The following CADPS variants were observed in gnomAD, a reference collection of about 807,000 sequenced individuals.
The protein encoded by CADPS is calcium-dependent secretion activator 1.
In CADPS, 57 loss-of-function variants were observed where a neutral mutation model predicts 167.3. The ratio of observed to expected loss-of-function variants is 0.34; its 90% CI spans 0.28 to 0.42. CADPS has a LOEUF of 0.42. CADPS is among the 20% of genes least tolerant of loss of function. The pLI, the probability that CADPS is intolerant of heterozygous loss-of-function variation, is 1.00. For missense variants in CADPS, 1,414 were observed against 1,738.1 expected (o/e 0.81, Z 3.32); for synonymous variants, 676 against 635.3 (o/e 1.06, Z -0.96).
chr3:62,437,019 C>T (rs1343145789), intron 28 of CADPS, among the ~76,000 whole-genome samples: 1 of 151,776 alleles, frequency 6.6e-6, no homozygotes, highest in Non-Finnish European at 1.5e-5. Context: ...TACACACACA[C>T]ACAAACTCAA....
At chr3:62,537,122 C>A (rs2074842421) in intron 11 of CADPS, among the ~76,000 whole-genome samples, 2 of 151,778 alleles carry the variant, frequency 1.3e-5, no homozygotes, top group South Asian at 4.2e-4. Flanking sequence ...CCCCACCCTG[C>A]AAAATTAAAA....
At chr3:62,468,645 C>T (rs924898362) in intron 24 of CADPS, among the ~76,000 whole-genome samples, 3 of 152,126 alleles carry the variant, frequency 2.0e-5, no homozygotes, top group African/African-American at 7.2e-5. Context: ...ATGGGAACCT[C>T]TTCCCATTTC....
chr3:62,687,661 A>G (rs549950223), intron 3 of CADPS, among the ~76,000 whole-genome samples: 2 of 150,344 alleles, frequency 1.3e-5, no homozygotes, highest in African/African-American at 2.4e-5. Flanking sequence ...TCTATTGTGT[A>G]TACTGAAATC....
At chr3:62,731,245 C>T (rs1017292944) in intron 3 of CADPS, among the ~76,000 whole-genome samples, 1 of 152,122 alleles carries the variant, frequency 6.6e-6, no homozygotes, top group African/African-American at 2.4e-5. Flanking sequence ...TTAGTCAATG[C>T]CTGGCATGTA....
intron 7 of CADPS, among the ~76,000 whole-genome samples, chr3:62,586,358 T>C (rs1302214728): frequency 3.3e-5 from 5 of 152,162 alleles, no homozygotes; most frequent in Admixed American, 1.3e-4. Context: ...GAGGGGCTCA[T>C]GGTCTTATGG....
intron 1 of CADPS, among the ~76,000 whole-genome samples, chr3:62,851,578 T>G (rs1371200745): frequency 7.0e-6 from 1 of 143,260 alleles, no homozygotes; most frequent in Non-Finnish European, 1.5e-5. Flanking sequence ...AAAATTCTTT[T>G]CTTTAAGAAT....
intron 1 of CADPS, among the ~76,000 whole-genome samples, chr3:62,791,755 C>T (rs1191629961): frequency 6.6e-6 from 1 of 152,166 alleles, no homozygotes; most frequent in Non-Finnish European, 1.5e-5. Context: ...CAGATAATTA[C>T]CTTTCAAACT....
chr3:62,638,646 C>G (rs906912990), intron 6 of CADPS, among the ~76,000 whole-genome samples: 1 of 152,130 alleles, frequency 6.6e-6, no homozygotes, highest in Non-Finnish European at 1.5e-5. Context: ...AGATTTTTCA[C>G]GTTTAGATGG....
At chr3:62,733,475 T>C (rs1443168066) in intron 3 of CADPS, among the ~76,000 whole-genome samples, 1 of 152,222 alleles carries the variant, frequency 6.6e-6, no homozygotes. Flanking sequence ...GTCTTAATAA[T>C]TGATACTTTT....
At chr3:62,402,076 C>T (rs751146009) in intron 29 of CADPS, among the ~76,000 whole-genome samples, 43 of 152,164 alleles carry the variant, frequency 2.8e-4, no homozygotes, top group Non-Finnish European at 4.7e-4. Flanking sequence ...CTGTAATACA[C>T]TGCTGTCTAT....
intron 1 of CADPS, among the ~76,000 whole-genome samples, chr3:62,782,027 C>G (rs1248906685): frequency 6.6e-6 from 1 of 152,146 alleles, no homozygotes; most frequent in Non-Finnish European, 1.5e-5. Flanking sequence ...CTTTACCACA[C>G]TCAGTTGACA....
intron 6 of CADPS, among the ~76,000 whole-genome samples, chr3:62,604,759 G>A (rs1283723612): frequency 6.6e-6 from 1 of 152,192 alleles, no homozygotes; most frequent in Non-Finnish European, 1.5e-5. Flanking sequence ...CCCAGTCTAA[G>A]GCTCTTCTGC....
chr3:62,787,267 C>A (rs2092544059), intron 1 of CADPS, among the ~76,000 whole-genome samples: 2 of 152,106 alleles, frequency 1.3e-5, no homozygotes, highest in South Asian at 4.1e-4. Flanking sequence ...TGCACTCCAG[C>A]CTGGGTGACA....
chr3:62,419,170 C>T (rs980893020), intron 28 of CADPS, among the ~76,000 whole-genome samples: 1 of 152,174 alleles, frequency 6.6e-6, no homozygotes, highest in African/African-American at 2.4e-5. Context: ...CCGACCATTT[C>T]TTTCTTCAAG....
At chr3:62,692,351 G>C (rs1364178231) in intron 3 of CADPS, among the ~76,000 whole-genome samples, 3 of 148,892 alleles carry the variant, frequency 2.0e-5, no homozygotes, top group East Asian at 4.1e-4. Context: ...ATTTAGTCCA[G>C]AGAAAGCAAA....
intron 3 of CADPS, among the ~76,000 whole-genome samples, chr3:62,690,890 A>G (rs1349995145): frequency 6.6e-6 from 1 of 152,068 alleles, no homozygotes. Flanking sequence ...TATTCATAGC[A>G]GCTTTATTTG....
intron 1 of CADPS, among the ~76,000 whole-genome samples, chr3:62,790,194 T>C (rs1341035228): frequency 2.6e-5 from 4 of 152,210 alleles, no homozygotes; most frequent in African/African-American, 9.6e-5. Flanking sequence ...ATGCAACATA[T>C]ATTTTTATAA....
In CADPS at chr3:62,666,254, A is replaced by C. The variant is rs143705685; in HGVS notation, c.889-3860T>G. On this transcript the variant is annotated intron_variant, in intron 3 of 29. Coordinates refer to ENST00000383710, the MANE Select transcript of CADPS (RefSeq NM_003716.4). ...CTGCTGCCTGACAGCTAATGATCTG[A>C]AGAGAGGATGAAAAGGGAAATGCAA... 9.5e-4 allele frequency among the ~76,000 whole-genome samples: 144 copies of C among 152,278 alleles called. 1 individual carries two copies. Among genetic ancestry groups the C allele is most frequent in the African/African-American group, 3.5e-3 (144 of 41,560 alleles).
chr3:62,542,609 A>G (rs1309467614), intron 11 of CADPS, among the ~76,000 whole-genome samples: 1 of 152,118 alleles, frequency 6.6e-6, no homozygotes, highest in Non-Finnish European at 1.5e-5. Flanking sequence ...CTTAATTGAG[A>G]AACAACTTAA....
Sources: allele counts gnomAD v4.1 joint callset (sites outside exome capture counted in the v4.1 genomes callset), GRCh38; gene constraint gnomAD v4.1.1; transcripts MANE v1.5; gene names NCBI Gene and HGNC (gene_info 2026-07-23, HGNC 2026-07-21).